PDE10A: variants seen among roughly 807,000 people sequenced by gnomAD.
The protein encoded by PDE10A is cAMP and cAMP-inhibited cGMP 3',5'-cyclic phosphodiesterase 10A.
Under a neutral mutation model 97.7 loss-of-function variants are expected in PDE10A, and 39 were observed. The observed-to-expected ratio is 0.40, with a 90% CI of 0.31 to 0.52. The LOEUF is 0.52. Among genes scored for constraint, PDE10A ranks in the 20% least tolerant of loss-of-function variants. The pLI is 0.56. For missense variants in PDE10A, 731 were observed against 1,047.8 expected (o/e 0.70, Z 4.17); for synonymous variants, 371 against 376.8 (o/e 0.98, Z 0.18).
intron 1 of PDE10A, among the ~76,000 whole-genome samples, chr6:165,724,082 G>A (rs1380353416): frequency 6.6e-6 from 1 of 152,208 alleles, no homozygotes. Context: ...ATATTAGTCA[G>A]TGAACCACCA....
chr6:165,886,310 C>T (rs4709992), intron 1 of PDE10A, among the ~76,000 whole-genome samples: 6 of 148,382 alleles, frequency 4.0e-5, no homozygotes, highest in Non-Finnish European at 7.5e-5. Flanking sequence ...GAGCCCTGGA[C>T]CCCTGGAATA....
At chr6:165,902,313 T>A (rs113306394) in intron 1 of PDE10A, among the ~76,000 whole-genome samples, 2,283 of 152,342 alleles carry the variant, frequency 0.015, 51 homozygotes, top group African/African-American at 0.05. Context: ...GCTGGATTTG[T>A]GTGATGCAAA....
chr6:165,725,415 G>A (rs1202743413), intron 1 of PDE10A, among the ~76,000 whole-genome samples: 3 of 152,140 alleles, frequency 2.0e-5, no homozygotes, highest in South Asian at 2.1e-4. Flanking sequence ...GCCCAAACAC[G>A]CCCCCCACAA....
At chr6:165,720,725 G>A (rs75046118) in intron 1 of PDE10A, among the ~76,000 whole-genome samples, 4 of 152,184 alleles carry the variant, frequency 2.6e-5, no homozygotes, top group Non-Finnish European at 5.9e-5. Flanking sequence ...AGGCGTTTTA[G>A]GTGTTTCAGT....
chr6:165,919,367 T>C (rs974403042), intron 1 of PDE10A, among the ~76,000 whole-genome samples: 1 of 152,212 alleles, frequency 6.6e-6, no homozygotes, highest in African/African-American at 2.4e-5. Context: ...ATGGCTGAGC[T>C]GCCCCAGGCC....
chr6:165,724,664 A>T (rs535965312), intron 1 of PDE10A, among the ~76,000 whole-genome samples: 1 of 152,316 alleles, frequency 6.6e-6, no homozygotes, highest in African/African-American at 2.4e-5. Context: ...TAACTAATGG[A>T]AGTTTACCCA....
chr6:165,334,340 G>A (rs1035726670), intron 21 of PDE10A, among the ~76,000 whole-genome samples: 21 of 148,186 alleles, frequency 1.4e-4, no homozygotes, highest in African/African-American at 4.3e-4. Flanking sequence ...CCTCCATAGC[G>A]CCCTACAGCG....
chr6:165,829,538 G>A (rs148892018), intron 1 of PDE10A, among the ~76,000 whole-genome samples: 276 of 152,320 alleles, frequency 1.8e-3, no homozygotes, highest in Non-Finnish European at 2.7e-3. Context: ...AGCATGCTTC[G>A]CCATCAGGAA....
chr6:165,498,422 C>CAAAA (rs1780666143), intron 2 of PDE10A, among the ~76,000 whole-genome samples: 1 of 20,842 alleles, frequency 4.8e-5, no homozygotes, highest in Admixed American at 8.1e-4. Flanking sequence ...GACCCTGTCT[C>CAAAA]CAAAAAAAAA....
At chr6:165,722,694 G>C (rs1792194244) in intron 1 of PDE10A, among the ~76,000 whole-genome samples, 1 of 152,130 alleles carries the variant, frequency 6.6e-6, no homozygotes, top group Non-Finnish European at 1.5e-5. Context: ...GATAAGGTGG[G>C]AGATGGTGTC....
At chr6:165,834,395 G>C (rs946438097) in intron 1 of PDE10A, among the ~76,000 whole-genome samples, 1 of 152,230 alleles carries the variant, frequency 6.6e-6, no homozygotes, top group Non-Finnish European at 1.5e-5. Flanking sequence ...GTGCAGCCTG[G>C]GGGTGACGCT....
At chr6:165,702,783 G>A (rs1031478975) in intron 1 of PDE10A, among the ~76,000 whole-genome samples, 3 of 152,178 alleles carry the variant, frequency 2.0e-5, no homozygotes, top group South Asian at 4.1e-4. Context: ...GGATCCTGCA[G>A]TTCCCATGGT....
intron 1 of PDE10A, among the ~76,000 whole-genome samples, chr6:165,627,769 A>G (rs1477902300): frequency 6.6e-6 from 1 of 152,140 alleles, no homozygotes; most frequent in African/African-American, 2.4e-5. Context: ...AAATATCTTT[A>G]TTTTCCAGCA....
chr6:165,605,306 T>C (rs1404528791), intron 1 of PDE10A, among the ~76,000 whole-genome samples: 1 of 152,212 alleles, frequency 6.6e-6, no homozygotes. Context: ...CAGCTCAGAA[T>C]GAGCCCTTCC....
intron 2 of PDE10A, among the ~76,000 whole-genome samples, chr6:165,507,790 T>G (rs929940228): frequency 1.3e-5 from 2 of 152,050 alleles, no homozygotes; most frequent in African/African-American, 4.8e-5. Context: ...ATTTTACGGT[T>G]TTAGTCTCAA....
chr6:165,756,903 T>C (rs1026731390), intron 1 of PDE10A, among the ~76,000 whole-genome samples: 3 of 152,142 alleles, frequency 2.0e-5, no homozygotes, highest in African/African-American at 7.2e-5. Context: ...TCACTATTAT[T>C]TCTTTTTTTG....
intron 20 of PDE10A, among the ~76,000 whole-genome samples, chr6:165,336,654 C>A (rs1272412963): frequency 6.7e-6 from 1 of 149,014 alleles, no homozygotes; most frequent in African/African-American, 2.5e-5. Context: ...GAGGCTGAGG[C>A]AGGACAATGG....
intron 1 of PDE10A, among the ~76,000 whole-genome samples, chr6:165,852,960 A>G (rs1434931361): frequency 1.3e-5 from 2 of 152,252 alleles, no homozygotes; most frequent in Non-Finnish European, 2.9e-5. Flanking sequence ...TTGTGACTTC[A>G]TCAAATACCT....
At chr6:165,504,720 T>C (rs183897710) in intron 2 of PDE10A, among the ~76,000 whole-genome samples, 2 of 152,066 alleles carry the variant, frequency 1.3e-5, no homozygotes, top group Admixed American at 6.6e-5. Flanking sequence ...TAACATAACA[T>C]AAAATCTTAC....
Sources: gnomAD v4.1 joint callset for allele counts (sites outside exome capture counted in the v4.1 genomes callset) on GRCh38, gnomAD v4.1.1 for gene constraint, MANE v1.5 for transcripts, NCBI Gene and HGNC (gene_info 2026-07-23, HGNC 2026-07-21) for gene names.